The following CACNB3 variants were observed in gnomAD, a reference collection of about 807,000 sequenced individuals.
The protein encoded by CACNB3 is voltage-dependent L-type calcium channel subunit beta-3.
CACNB3 carries 36 observed loss-of-function variants against 63.7 expected under a neutral mutation model. That is an observed-to-expected ratio of 0.57 (90% CI 0.43 to 0.75). The LOEUF (loss-of-function observed/expected upper bound fraction) is 0.75, where lower values mean the gene tolerates loss of function less well. CACNB3 is among the 30% of genes least tolerant of loss of function. The pLI, the probability that CACNB3 is intolerant of heterozygous loss-of-function variation, is 0.00. For missense variants in CACNB3, 493 were observed against 648.6 expected (o/e 0.76, Z 2.61); for synonymous variants, 241 against 250.6 (o/e 0.96, Z 0.36).
In CACNB3 at chr12:48,825,088, T is replaced by A; in HGVS notation, c.493-75T>A. ...GGGGAGGGAGCCCAGAACCTCTGGA[T>A]CTGCCCTGACGCCAACCAGGCATGA... On this transcript the variant is annotated intron_variant, in intron 6 of 12. Transcript: ENST00000301050. The surrounding 1 kb of genome is among the most constrained non-coding windows in gnomAD (Gnocchi z 4.5). The A allele has an allele frequency of 6.3e-7, 1 of 1,591,498 alleles. No individual in the cohort carries two copies. The highest frequency in any genetic ancestry group is 8.6e-7 in the Non-Finnish European group (1 of 1,159,738).
intron 1 of CACNB3, chr12:48,819,547 C>T: frequency 2.8e-6 from 1 of 362,840 alleles, no homozygotes; most frequent in South Asian, 2.0e-5. Flanking sequence ...TCTCCTCACC[C>T]TTTCTCTAGC....
chr12:48,826,018 G>A lies in CACNB3; in HGVS notation c.742+249G>A, dbSNP rs1938119294. Among the ~76,000 whole-genome samples the A allele has an allele frequency of 6.6e-6, 1 of 152,038 alleles. No individual in the cohort carries two copies. Among genetic ancestry groups the A allele is most frequent in the African/African-American group, 2.4e-5 (1 of 41,392 alleles). On this transcript the variant is annotated intron_variant, in intron 9 of 12. Transcript: ENST00000301050. The surrounding 1 kb of genome is among the most constrained non-coding windows in gnomAD (Gnocchi z 4.8). ...TAATTTTTGCATTTTTAGTAGACGT[G>A]GGGTTTCACCATGTTGGCCAGGCTG...
chr12:48,824,891 C>A, intron 5 of CACNB3, 58 bp from the exon 6 acceptor site: 1 of 1,592,296 alleles, frequency 6.3e-7, no homozygotes, highest in Non-Finnish European at 8.6e-7. Context: ...GGATACCATG[C>A]CCCCAGGGAC....
chr12:48,827,461 C>G, intron 12 of CACNB3, 124 bp from the exon 13 acceptor site: 2 of 982,126 alleles, frequency 2.0e-6, no homozygotes, highest in East Asian at 2.6e-5. Flanking sequence ...CTCCAGCATG[C>G]TTTTTCCTTG....
chr12:48,825,354 GC>G lies in CACNB3; in HGVS notation c.574-79del. The G allele has an allele frequency of 6.4e-7, 1 of 1,567,798 alleles. No homozygotes were observed. The highest frequency in any genetic ancestry group is 1.1e-5 in the South Asian group (1 of 90,096). On this transcript the variant is annotated intron_variant, in intron 7 of 12. Coordinates refer to ENST00000301050, the MANE Select transcript of CACNB3 (RefSeq NM_000725.4). This position sits in a 1 kb window ranked among gnomAD's most constrained non-coding sequence, Gnocchi z 4.5. ...CCTCCGTCCAGGGTGTGTATGTGGA[GC>G]GCATTGACTCTGGGGCCATGCATGG...
At chr12:48,824,205 G>A in intron 3 of CACNB3, 53 bp from the exon 4 acceptor site, 1 of 1,442,116 alleles carries the variant, frequency 6.9e-7, no homozygotes, top group South Asian at 1.2e-5. Context: ...GAAGAGCCAG[G>A]ACTGGGGCGG....
chr12:48,824,419 A>G (rs1036476239), intron 4 of CACNB3, 46 bp downstream of exon 4: 1 of 1,495,308 alleles, frequency 6.7e-7, no homozygotes, highest in Non-Finnish European at 9.1e-7. Flanking sequence ...AAACACTTGC[A>G]CTGTACCCAC....
chr12:48,828,741 T>G lies in CACNB3; in HGVS notation c.*842T>G. ...TCTGTTCTTGTCCCTCATACATCTT[T>G]GGAGAACCGGGCTCCAGACTTTGTT... On this transcript the variant is annotated 3_prime_UTR_variant, in exon 13 of 13. Coordinates refer to ENST00000301050, the MANE Select transcript of CACNB3 (RefSeq NM_000725.4). 1 of 456,474 alleles carries G rather than the reference T, an allele frequency of 2.2e-6. No individual in the cohort carries two copies. The allele number at this position is 456,474 out of a possible 1,614,324, so 28.3% of individuals were successfully genotyped here. A position where few individuals can be genotyped will look rare whatever the true frequency, so the allele number is the denominator to read the frequency against.
At chr12:48,814,813 G>A, upstream of CACNB3, 2 of 386,396 alleles carry the variant, frequency 5.2e-6, no homozygotes, top group Non-Finnish European at 4.6e-6. This position sits in a 1 kb window ranked among gnomAD's most constrained non-coding sequence, Gnocchi z 6.9. Flanking sequence ...GACACCAGGC[G>A]GTGCCGCCAC....
chr12:48,816,987 C>T (rs984613193), upstream of CACNB3: 8 of 985,406 alleles, frequency 8.1e-6, no homozygotes, highest in African/African-American at 5.2e-5. Flanking sequence ...AGGAATACTG[C>T]GTAACTGGGT....
At chr12:48,816,204 G>A (rs560749705), upstream of CACNB3, among the ~76,000 whole-genome samples, 4 of 152,268 alleles carry the variant, frequency 2.6e-5, no homozygotes, top group South Asian at 6.2e-4. Flanking sequence ...ACACTTAGAG[G>A]AGAAGCTAGA....
chr12:48,815,739 G>A (rs776837298), upstream of CACNB3: 23 of 1,405,842 alleles, frequency 1.6e-5, no homozygotes, highest in South Asian at 1.3e-4. Flanking sequence ...GTAACCGTGG[G>A]GGGGGTGTGG....
In CACNB3 at chr12:48,827,767, C is replaced by T; in HGVS notation, c.1323C>T (p.Arg441=). 1 of 1,614,208 alleles carries T rather than the reference C, an allele frequency of 6.2e-7. No homozygotes were observed. Residue 441 remains arginine (R), a synonymous_variant, in exon 13 of 13, where the codon CGC becomes CGT. Transcript: ENST00000301050. ...ACCAGGACCTGTACCAGCCTCACCG[C>T]CAACACACCTCGGGGCTGCCTAGTG... The part of the protein sequence containing the change: ...DAYQDLYQPH[R]QHTSGLPSAN...
chr12:48,816,219 A>T (rs1422869376), upstream of CACNB3, among the ~76,000 whole-genome samples: 1 of 152,166 alleles, frequency 6.6e-6, no homozygotes, highest in Non-Finnish European at 1.5e-5. Flanking sequence ...GCTAGAATAT[A>T]TTCTGAAACC....
chr12:48,826,208 C>A lies in CACNB3; in HGVS notation c.743-159C>A, dbSNP rs1201387646. On this transcript the variant is annotated intron_variant, in intron 9 of 12. Coordinates refer to ENST00000301050, the MANE Select transcript of CACNB3 (RefSeq NM_000725.4). The surrounding 1 kb of genome is among the most constrained non-coding windows in gnomAD (Gnocchi z 4.8). ...TGCCCCCAGGATTGGCAAGAACACA[C>A]CCCTCCTCCTCAATTCCCATTCCTC... The A allele has an allele frequency of 2.9e-6, 2 of 684,016 alleles. No individual in the cohort carries two copies. Among genetic ancestry groups the A allele is most frequent in the Non-Finnish European group, 5.0e-6 (2 of 401,934 alleles). The allele number at this position is 684,016 out of a possible 1,614,324, so 42.4% of individuals were successfully genotyped here.
chr12:48,827,912 GCCCTA>G lies in CACNB3; in HGVS notation c.*18_*22del. On this transcript the variant is annotated 3_prime_UTR_variant, in exon 13 of 13. Transcript: ENST00000301050. ...GGATAGCTACTGACAGCCTCCTGCT[GCCCTA>G]CCCTGGCAGGCACAGGCGCAGCTGG... The G allele has an allele frequency of 6.2e-7, 1 of 1,607,184 alleles. No homozygotes were observed. The highest frequency in any genetic ancestry group is 1.1e-5 in the South Asian group (1 of 90,716).
upstream of CACNB3, chr12:48,815,267 G>T: frequency 4.6e-6 from 1 of 215,462 alleles, no homozygotes; most frequent in South Asian, 7.0e-5. Context: ...TGCCCGCGGC[G>T]GCGGAAACTC....
chr12:48,818,426 T>C (rs1005939248), upstream of CACNB3: 1 of 986,042 alleles, frequency 1.0e-6, no homozygotes, highest in Non-Finnish European at 1.2e-6. The surrounding 1 kb of genome is among the most constrained non-coding windows in gnomAD (Gnocchi z 4.3). Flanking sequence ...TTGCCGAGCG[T>C]CTCTGTCTCC....
At chr12:48,814,573 C>T (rs1202970216), upstream of CACNB3, 12 of 1,505,918 alleles carry the variant, frequency 8.0e-6, no homozygotes, top group Non-Finnish European at 8.8e-6. The surrounding 1 kb of genome is among the most constrained non-coding windows in gnomAD (Gnocchi z 6.9). Context: ...GGCTAGGGTC[C>T]CGGAAGGGCG....
Sources: allele counts gnomAD v4.1 joint callset (sites outside exome capture counted in the v4.1 genomes callset), GRCh38; gene constraint gnomAD v4.1.1; non-coding constraint Gnocchi (gnomAD v3.1); transcripts MANE v1.5; gene names NCBI Gene and HGNC (gene_info 2026-07-23, HGNC 2026-07-21).